CYP39A1: variants seen among roughly 807,000 people sequenced by gnomAD.
CYP39A1 encodes 24-hydroxycholesterol 7-alpha-hydroxylase.
A neutral mutation model predicts 58.1 loss-of-function variants in CYP39A1; 49 were observed. The observed-to-expected ratio is 0.84, with a 90% CI of 0.67 to 1.07. The LOEUF (loss-of-function observed/expected upper bound fraction) is 1.07. Ranked by LOEUF, CYP39A1 falls within the 50% of genes least tolerant of loss-of-function variation. CYP39A1 has a pLI of 0.00. For missense variants in CYP39A1, 531 were observed against 539.4 expected (o/e 0.98, Z 0.16); for synonymous variants, 209 against 187.6 (o/e 1.11, Z -0.93).
chr6:46,565,402 A>C (rs1364989243), intron 10 of CYP39A1, among the ~76,000 whole-genome samples: 2 of 152,064 alleles, frequency 1.3e-5, no homozygotes, highest in Non-Finnish European at 2.9e-5. Flanking sequence ...TAGATGTTTT[A>C]TATTAAATAT....
At chr6:46,569,732 G>C (rs574044663) in intron 10 of CYP39A1, among the ~76,000 whole-genome samples, 19 of 152,098 alleles carry the variant, frequency 1.2e-4, no homozygotes, top group African/African-American at 4.6e-4. Context: ...ACTTGATCAT[G>C]GTGTATGATC....
chr6:46,596,780 G>T (rs1055652454), intron 7 of CYP39A1, among the ~76,000 whole-genome samples: 1 of 152,074 alleles, frequency 6.6e-6, no homozygotes, highest in Non-Finnish European at 1.5e-5. Flanking sequence ...ATCAACCTTT[G>T]TACCATCTAA....
chr6:46,604,761 C>T (rs1773733071), intron 7 of CYP39A1, among the ~76,000 whole-genome samples: 1 of 152,048 alleles, frequency 6.6e-6, no homozygotes, highest in South Asian at 2.1e-4. Context: ...AAACCTGTAA[C>T]TTTTGATATG....
At chr6:46,587,271 A>C in intron 9 of CYP39A1, 106 bp from the exon 10 acceptor site, 1 of 757,522 alleles carries the variant, frequency 1.3e-6, no homozygotes, top group Non-Finnish European at 2.3e-6. Context: ...CTTGCATATA[A>C]AGTTGCAGGG....
intron 10 of CYP39A1, among the ~76,000 whole-genome samples, chr6:46,578,797 T>C (rs1771975147): frequency 6.6e-6 from 1 of 152,000 alleles, no homozygotes; most frequent in African/African-American, 2.4e-5. Context: ...GAATCAAAAC[T>C]CGTTATTATA....
intron 11 of CYP39A1, among the ~76,000 whole-genome samples, chr6:46,552,974 G>A (rs911627768): frequency 2.0e-5 from 3 of 151,566 alleles, no homozygotes; most frequent in African/African-American, 4.9e-5. Flanking sequence ...CTTGAACCCA[G>A]GAGGCGGAGG....
At chr6:46,570,087 G>A (rs1457243112) in intron 10 of CYP39A1, among the ~76,000 whole-genome samples, 3 of 151,958 alleles carry the variant, frequency 2.0e-5, no homozygotes, top group Non-Finnish European at 4.4e-5. Flanking sequence ...GTCTTGGTAG[G>A]TTTTATGTTT....
rs1344187783 is a variant in CYP39A1, at chr6:46,652,549, G to C, written c.34C>G (p.Leu12Val). 1.9e-6 allele frequency: 3 copies of C among 1,610,050 alleles called. No homozygotes were observed. The highest frequency in any genetic ancestry group is 2.5e-6 in the Non-Finnish European group (3 of 1,178,488). ...AGTAAGAACAGAGCAAGGCAACCCA[G>C]GATTATAATCACTGTTGGGGAAATT... Reference protein sequence around the residue: ...ELISPTVIIILGCLALFLLLQ... With the variant: ...ELISPTVIIIVGCLALFLLLQ... The change falls in exon 1 of 12, where the codon CTG becomes GTG. Residue 12 changes from leucine (L) to valine (V), a missense_variant. Transcript: ENST00000275016.
chr6:46,589,456 G>A (rs892649473), intron 8 of CYP39A1, among the ~76,000 whole-genome samples: 2 of 151,906 alleles, frequency 1.3e-5, no homozygotes, highest in Non-Finnish European at 2.9e-5. Context: ...CTGTCTCGAA[G>A]AAAAATAAAA....
At chr6:46,635,773 G>A (rs1775948566) in intron 5 of CYP39A1, among the ~76,000 whole-genome samples, 1 of 152,084 alleles carries the variant, frequency 6.6e-6, no homozygotes, top group South Asian at 2.1e-4. Flanking sequence ...ATGTTGCCCA[G>A]GTTGGTCTCG....
intron 10 of CYP39A1, among the ~76,000 whole-genome samples, chr6:46,581,624 A>T (rs141600476): frequency 6.6e-6 from 1 of 152,200 alleles, no homozygotes; most frequent in African/African-American, 2.4e-5. Flanking sequence ...TTAAATACAC[A>T]TGGACACAAA....
chr6:46,551,384 A>C (rs10678312), intron 11 of CYP39A1, among the ~76,000 whole-genome samples: 94 of 151,158 alleles, frequency 6.2e-4, no homozygotes, highest in Middle Eastern at 3.4e-3. Context: ...AAAAAAAAAA[A>C]CAACCATACA....
intron 11 of CYP39A1, among the ~76,000 whole-genome samples, chr6:46,551,225 G>C (rs1770377573): frequency 1.3e-5 from 2 of 152,104 alleles, no homozygotes; most frequent in Non-Finnish European, 2.9e-5. Flanking sequence ...TTGGAGAGTT[G>C]AAAGAATAAG....
chr6:46,610,157 G>C (rs1774125994), intron 7 of CYP39A1, among the ~76,000 whole-genome samples: 1 of 152,162 alleles, frequency 6.6e-6, no homozygotes. Flanking sequence ...TTTACCCACA[G>C]TTTTAGTTTT....
rs142215782 is a variant in CYP39A1 at position 46,622,366 on chromosome 6, G to A, written c.931+3052C>T. On this transcript the variant is annotated intron_variant, in intron 7 of 11. Coordinates refer to ENST00000275016, the MANE Select transcript of CYP39A1 (RefSeq NM_016593.5). ...TATATATATATAATTTTATTTATAA[G>A]TTGATGCATGTTACATGCACACAAA... Among the ~76,000 whole-genome samples, 39 of 151,978 alleles carry A rather than the reference G, an allele frequency of 2.6e-4. 3 individuals are homozygous for A. The East Asian group carries it at 6.0e-3, about 23-fold the overall frequency.
intron 6 of CYP39A1, among the ~76,000 whole-genome samples, chr6:46,629,784 G>C (rs1023400369): frequency 6.6e-6 from 1 of 152,164 alleles, no homozygotes; most frequent in Non-Finnish European, 1.5e-5. Flanking sequence ...TAGAAAACAA[G>C]TATATTTAAA....
chr6:46,638,130 G>T (rs1042905680), intron 3 of CYP39A1, 152 bp from the exon 4 acceptor site: 3 of 724,574 alleles, frequency 4.1e-6, no homozygotes, highest in Admixed American at 3.6e-5. Flanking sequence ...AAGAAGTTTT[G>T]ATATTTGCTT....
At chr6:46,584,256 A>C (rs372415534) in intron 10 of CYP39A1, among the ~76,000 whole-genome samples, 1 of 152,168 alleles carries the variant, frequency 6.6e-6, no homozygotes, top group East Asian at 1.9e-4. Context: ...AGGTTTCTTA[A>C]ATAGGTCACA....
At chr6:46,555,021 TCTC>T (rs947474255) in intron 10 of CYP39A1, among the ~76,000 whole-genome samples, 40 of 150,128 alleles carry the variant, frequency 2.7e-4, no homozygotes, top group African/African-American at 9.9e-4. Flanking sequence ...ATCTTCACTA[TCTC>T]CTCATTACAC....
Sources: allele counts gnomAD v4.1 joint callset (sites outside exome capture counted in the v4.1 genomes callset), GRCh38; gene constraint gnomAD v4.1.1; transcripts MANE v1.5; gene names NCBI Gene and HGNC (gene_info 2026-07-23, HGNC 2026-07-21).